The following LMCD1 variants were observed in gnomAD, a reference collection of about 807,000 sequenced individuals.
LMCD1 encodes the protein LIM and cysteine-rich domains protein 1.
Under a neutral mutation model 42.7 loss-of-function variants are expected in LMCD1, and 32 were observed. That is an observed-to-expected ratio of 0.75 (90% CI 0.57 to 1.01). LMCD1 has a LOEUF of 1.01. Ranked by LOEUF, LMCD1 falls within the 50% of genes least tolerant of loss-of-function variation. The pLI is 0.00. For synonymous variants in LMCD1, 178 were observed against 184.9 expected, an observed-to-expected ratio of 0.96 and a Z score of 0.30; for missense variants, 458 against 483.1, an observed-to-expected ratio of 0.95 and a Z score of 0.49.
intron 2 of LMCD1, among the ~76,000 whole-genome samples, chr3:8,534,780 T>G (rs1369023222): frequency 6.6e-6 from 1 of 152,192 alleles, no homozygotes; most frequent in Non-Finnish European, 1.5e-5. Context: ...GGTGTGCCTG[T>G]GTCCTCTATA....
At position 8,569,028 on chromosome 3, in the gene LMCD1, C is replaced by G. The variant is rs1200775815; in HGVS notation, c.*1430C>G. On this transcript the variant is annotated 3_prime_UTR_variant, in exon 6 of 6. Coordinates refer to ENST00000157600, the MANE Select transcript of LMCD1 (RefSeq NM_014583.4). ...CTCCCAGCTCCTTTCTCTAGTCACC[C>G]TCAGTTTCCTCGTCATGTTCATCTT... 1.3e-5 allele frequency: 2 copies of G among 152,184 alleles called. No individual in the cohort carries two copies. Among genetic ancestry groups the G allele is most frequent in the Admixed American group, 6.5e-5 (1 of 15,274 alleles). The allele number at this position is 152,184 out of a possible 1,614,324, so 9.4% of individuals were successfully genotyped here. A position where few individuals can be genotyped will look rare whatever the true frequency, so the allele number is the denominator to read the frequency against.
At chr3:8,523,022 T>C (rs896173845) in intron 1 of LMCD1, among the ~76,000 whole-genome samples, 3 of 152,206 alleles carry the variant, frequency 2.0e-5, no homozygotes, top group African/African-American at 7.2e-5. Flanking sequence ...ATCTTTACCC[T>C]GAAGGGCTGC....
intron 4 of LMCD1, among the ~76,000 whole-genome samples, chr3:8,558,606 T>C (rs1694970140): frequency 6.6e-6 from 1 of 152,204 alleles, no homozygotes; most frequent in Admixed American, 6.5e-5. Context: ...GATATGCTAA[T>C]TATAAAGCAT....
At chr3:8,536,891 T>C (rs1480465662) in intron 2 of LMCD1, among the ~76,000 whole-genome samples, 1 of 152,222 alleles carries the variant, frequency 6.6e-6, no homozygotes, top group Non-Finnish European at 1.5e-5. Context: ...GCATCTCTGA[T>C]GAACAAATCA....
intron 1 of LMCD1, among the ~76,000 whole-genome samples, chr3:8,516,527 C>T (rs73127961): frequency 0.046 from 7,046 of 152,130 alleles, 283 homozygotes; most frequent in African/African-American, 0.1. Flanking sequence ...TGCAAGAAAT[C>T]CTGAGAAGGC....
In LMCD1 at chr3:8,548,923, C is replaced by A; in HGVS notation, c.723+20C>A. ...GAATACGTAAGTTTCTCCCATGCTT[C>A]CAGCCAGGCTGAAACCATGCAGGCC... On this transcript the variant is annotated intron_variant, in intron 4 of 5. Transcript: ENST00000157600. 1 of 1,480,268 alleles carries A rather than the reference C, an allele frequency of 6.8e-7. No homozygotes were observed. The highest frequency in any genetic ancestry group is 9.0e-7 in the Non-Finnish European group (1 of 1,111,176). 91.7% of individuals were successfully genotyped at this position (1,480,268 alleles called of 1,614,324 possible).
At chr3:8,502,307 A>T (rs1048539485) in intron 1 of LMCD1, among the ~76,000 whole-genome samples, 15 of 31,964 alleles carry the variant, frequency 4.7e-4, no homozygotes, top group African/African-American at 2.1e-3. Context: ...TATATATAAT[A>T]TATAAAATAT....
intron 4 of LMCD1, among the ~76,000 whole-genome samples, chr3:8,559,862 G>A (rs1173611926): frequency 2.0e-5 from 3 of 152,222 alleles, no homozygotes; most frequent in African/African-American, 7.2e-5. Context: ...TTTTCATGGA[G>A]TGATAATGAT....
In LMCD1 at chr3:8,504,929, C is replaced by T. The variant is rs139997114; in HGVS notation, c.42+2949C>T. ...GCTTCAGATCTGGTTTAAGTCCCAG[C>T]TCCCCCACTTACTAGCTGTGTGCTC... On this transcript the variant is annotated intron_variant, in intron 1 of 5. Transcript: ENST00000157600. 3.9e-5 allele frequency among the ~76,000 whole-genome samples: 6 copies of T among 152,346 alleles called. No homozygotes were observed. In the East Asian group the frequency reaches 1.2e-3, roughly 29 times the overall value.
At chr3:8,557,597 C>T (rs75125741) in intron 4 of LMCD1, among the ~76,000 whole-genome samples, 7 of 152,236 alleles carry the variant, frequency 4.6e-5, no homozygotes, top group Middle Eastern at 3.4e-3. Context: ...TTCAGTCCTT[C>T]GAGACAGTTC....
intron 3 of LMCD1, among the ~76,000 whole-genome samples, chr3:8,543,622 A>G (rs1694679104): frequency 6.6e-6 from 1 of 152,184 alleles, no homozygotes. Flanking sequence ...AGCCAGGTCT[A>G]CAGGCATGTG....
intron 1 of LMCD1, among the ~76,000 whole-genome samples, chr3:8,509,086 G>T (rs767740742): frequency 1.2e-4 from 18 of 152,128 alleles, no homozygotes; most frequent in Non-Finnish European, 1.0e-4. Context: ...ACATTTAAAC[G>T]ATAGTTTAAT....
At chr3:8,554,623 C>G (rs985555345) in intron 4 of LMCD1, among the ~76,000 whole-genome samples, 10 of 152,176 alleles carry the variant, frequency 6.6e-5, no homozygotes, top group African/African-American at 2.4e-4. Context: ...CCATTCACAC[C>G]AGGCTGGTGG....
At chr3:8,545,700 GC>G (rs543036163) in intron 3 of LMCD1, among the ~76,000 whole-genome samples, 45 of 152,172 alleles carry the variant, frequency 3.0e-4, no homozygotes, top group Non-Finnish European at 6.0e-4. Context: ...CTTGACTGGG[GC>G]TTGGTGCCTG....
chr3:8,555,082 G>C (rs555976084), intron 4 of LMCD1, among the ~76,000 whole-genome samples: 1 of 152,120 alleles, frequency 6.6e-6, no homozygotes, highest in East Asian at 1.9e-4. Context: ...GCGTGAATAT[G>C]GTCCGAAATC....
At chr3:8,514,208 AGACTT>A (rs1399729475) in intron 1 of LMCD1, among the ~76,000 whole-genome samples, 2 of 152,232 alleles carry the variant, frequency 1.3e-5, no homozygotes, top group African/African-American at 4.8e-5. Context: ...AAACAGGTGA[AGACTT>A]GAATAAGCAT....
chr3:8,559,484 C>A (rs766878257), intron 4 of LMCD1, among the ~76,000 whole-genome samples: 10 of 152,232 alleles, frequency 6.6e-5, no homozygotes, highest in Non-Finnish European at 1.5e-4. Flanking sequence ...AACAGAGGCA[C>A]AGGTAAGTTA....
chr3:8,551,822 C>A (rs1275260143), intron 4 of LMCD1, among the ~76,000 whole-genome samples: 3 of 152,180 alleles, frequency 2.0e-5, no homozygotes, highest in Admixed American at 2.0e-4. Flanking sequence ...ATGCTTGCAC[C>A]CTCTCCTTTC....
rs758427160 is a variant in LMCD1, at chr3:8,565,508, A to G, written c.800A>G (p.Gln267Arg). 1.9e-6 allele frequency: 3 copies of G among 1,614,062 alleles called. No individual in the cohort carries two copies. The South Asian group carries it at 3.3e-5, about 18-fold the overall frequency. The change falls in exon 5 of 6, where the codon CAG becomes CGG. Residue 267 changes from glutamine (Q) to arginine (R), a missense_variant. Transcript: ENST00000157600. ...VYSDRAGYNK[Q>R]WHPTCFVCAK... ...TCGGACAGGGCAGGCTACAACAAGC[A>G]GTGGCACCCCACCTGCTTTGTGTGT... is the stretch of plus-strand genomic sequence containing the variant.
Sources: allele counts gnomAD v4.1 joint callset (sites outside exome capture counted in the v4.1 genomes callset), GRCh38; gene constraint gnomAD v4.1.1; transcripts MANE v1.5; gene names NCBI Gene and HGNC (gene_info 2026-07-23, HGNC 2026-07-21).